CCDC148: variants seen among roughly 807,000 people sequenced by gnomAD.
CCDC148 encodes coiled-coil domain containing 148, also known as coiled-coil domain-containing protein 148.
Under a neutral mutation model 85.7 loss-of-function variants are expected in CCDC148, and 89 were observed. The ratio of observed to expected loss-of-function variants is 1.04; its 90% CI spans 0.87 to 1.24. CCDC148 has a LOEUF of 1.24. Ranked by LOEUF, CCDC148 falls within the 50% of genes most tolerant of loss-of-function variation. The probability of loss-of-function intolerance (pLI) is 0.00; values close to 1 mark genes in which losing one functional copy is unlikely to be tolerated. For missense variants in CCDC148, 692 were observed against 671.7 expected (o/e 1.03, Z -0.33); for synonymous variants, 230 against 213.9 (o/e 1.08, Z -0.66).
chr2:158,329,439 C>A (rs7578479), intron 7 of CCDC148, among the ~76,000 whole-genome samples: 8,539 of 151,500 alleles, frequency 0.056, 514 homozygotes, highest in African/African-American at 0.15. Flanking sequence ...AGTTTGAGGC[C>A]AGGTGATGCC....
At chr2:158,293,704 T>A (rs12999060) in intron 9 of CCDC148, among the ~76,000 whole-genome samples, 137,150 of 152,200 alleles carry the variant, frequency 0.9, 61,909 homozygotes, top group East Asian at 0.98. Context: ...AAGCAGAGGT[T>A]GAGTCTTAGA....
At chr2:158,191,973 G>C (rs1375452477) in intron 11 of CCDC148, among the ~76,000 whole-genome samples, 1 of 151,922 alleles carries the variant, frequency 6.6e-6, no homozygotes, top group Non-Finnish European at 1.5e-5. Flanking sequence ...GTTCAAGAAA[G>C]GCAAAGAGAG....
intron 11 of CCDC148, among the ~76,000 whole-genome samples, chr2:158,191,039 G>C (rs1393629115): frequency 6.6e-6 from 1 of 151,792 alleles, no homozygotes; most frequent in Non-Finnish European, 1.5e-5. Flanking sequence ...TTTAACTTCG[G>C]CTACTTATTG....
chr2:158,251,025 A>G, intron 9 of CCDC148, 113 bp from the exon 10 acceptor site: 6 of 955,348 alleles, frequency 6.3e-6, no homozygotes, highest in South Asian at 1.8e-5. Context: ...TTCCAAATAA[A>G]TGTTTAAATT....
chr2:158,283,630 G>A lies in CCDC148; in HGVS notation c.1110+25803C>T, dbSNP rs1398645077. ...TCATTAAAAAGTCAGGAAACAACAG[G>A]TGCTGGAGAGGATGTGGAGAAATAG... On this transcript the variant is annotated intron_variant, in intron 9 of 13. Coordinates refer to ENST00000283233, the MANE Select transcript of CCDC148 (RefSeq NM_138803.4). 2.0e-5 allele frequency among the ~76,000 whole-genome samples: 3 copies of A among 152,126 alleles called. No individual in the cohort carries two copies. The East Asian group carries it at 5.8e-4, about 29-fold the overall frequency.
chr2:158,340,516 T>C (rs1682628004), intron 4 of CCDC148, 82 bp downstream of exon 4: 1 of 1,392,028 alleles, frequency 7.2e-7, no homozygotes, highest in Non-Finnish European at 9.9e-7. Flanking sequence ...GCAGTTAATA[T>C]TAAAAGAACA....
chr2:158,191,571 A>G (rs912033995), intron 11 of CCDC148, among the ~76,000 whole-genome samples: 1 of 151,452 alleles, frequency 6.6e-6, no homozygotes, highest in African/African-American at 2.4e-5. Context: ...AGTTTTGGCT[A>G]GGCATTTTAA....
intron 1 of CCDC148, among the ~76,000 whole-genome samples, chr2:158,437,887 G>A (rs1384514088): frequency 6.6e-6 from 1 of 152,116 alleles, no homozygotes; most frequent in Non-Finnish European, 1.5e-5. Context: ...GCTTCAAAGA[G>A]AATAAAATAC....
At chr2:158,254,620 TAGGA>T (rs1688935729) in intron 9 of CCDC148, among the ~76,000 whole-genome samples, 1 of 151,588 alleles carries the variant, frequency 6.6e-6, no homozygotes, top group Non-Finnish European at 1.5e-5. Context: ...TCTGAGGCAG[TAGGA>T]AGGAAGATCT....
chr2:158,343,179 C>G (rs1371126719), intron 3 of CCDC148, among the ~76,000 whole-genome samples: 2 of 152,070 alleles, frequency 1.3e-5, no homozygotes, highest in African/African-American at 4.8e-5. Flanking sequence ...ACCACCACAC[C>G]CTGGCAAAAT....
chr2:158,178,798 C>T, intron 12 of CCDC148, 81 bp downstream of exon 12: 2 of 926,976 alleles, frequency 2.2e-6, no homozygotes, highest in East Asian at 2.4e-5. Flanking sequence ...TGAACTAAGC[C>T]CCAGTAAGAA....
chr2:158,225,032 C>T (rs1165686973), intron 10 of CCDC148, among the ~76,000 whole-genome samples: 1 of 152,116 alleles, frequency 6.6e-6, no homozygotes, highest in Non-Finnish European at 1.5e-5. Context: ...AGTGAAGACC[C>T]ATCAGTGTGC....
chr2:158,336,756 G>T (rs1682407431), intron 7 of CCDC148, among the ~76,000 whole-genome samples: 1 of 151,902 alleles, frequency 6.6e-6, no homozygotes, highest in African/African-American at 2.4e-5. Flanking sequence ...CAACTCAATT[G>T]AACAATCATT....
At chr2:158,299,122 C>T (rs2356082) in intron 9 of CCDC148, among the ~76,000 whole-genome samples, 78,721 of 151,938 alleles carry the variant, frequency 0.52, 21,043 homozygotes, top group South Asian at 0.66. Flanking sequence ...CTTACCCCTA[C>T]GGCATGGCCT....
intron 10 of CCDC148, among the ~76,000 whole-genome samples, chr2:158,241,591 G>A (rs1688353355): frequency 6.6e-6 from 1 of 152,090 alleles, no homozygotes; most frequent in Non-Finnish European, 1.5e-5. Flanking sequence ...TATTGAACAA[G>A]CAAATGAATG....
intron 11 of CCDC148, among the ~76,000 whole-genome samples, chr2:158,195,595 A>G (rs1685633430): frequency 6.6e-6 from 1 of 152,198 alleles, no homozygotes; most frequent in Admixed American, 6.5e-5. Flanking sequence ...TCCCTAGCTC[A>G]GAGCCTCCCT....
intron 11 of CCDC148, among the ~76,000 whole-genome samples, chr2:158,209,294 C>G (rs1000369431): frequency 6.6e-6 from 1 of 152,104 alleles, no homozygotes; most frequent in Non-Finnish European, 1.5e-5. Flanking sequence ...CCTATACCAG[C>G]TAAGTTTCTG....
intron 9 of CCDC148, among the ~76,000 whole-genome samples, chr2:158,262,978 G>A (rs141262629): frequency 3.9e-5 from 6 of 152,158 alleles, no homozygotes; most frequent in South Asian, 2.1e-4. Flanking sequence ...ATGTCACTAC[G>A]TGATTACGTG....
chr2:158,181,151 C>T (rs894179336), intron 11 of CCDC148, among the ~76,000 whole-genome samples: 1 of 152,098 alleles, frequency 6.6e-6, no homozygotes, highest in African/African-American at 2.4e-5. Context: ...ATTCTCAGAA[C>T]CTTTGGAAAG....
Sources: gnomAD v4.1 joint callset for allele counts (sites outside exome capture counted in the v4.1 genomes callset) on GRCh38, gnomAD v4.1.1 for gene constraint, MANE v1.5 for transcripts, NCBI Gene and HGNC (gene_info 2026-07-23, HGNC 2026-07-21) for gene names.